The following HEPHL1 variants were observed in gnomAD, a reference collection of about 807,000 sequenced individuals.
The protein encoded by HEPHL1 is hephaestin like 1.
Under a neutral mutation model 122.0 loss-of-function variants are expected in HEPHL1, and 123 were observed. That is an observed-to-expected ratio of 1.01 (90% CI 0.87 to 1.17). HEPHL1 has a LOEUF of 1.17. HEPHL1 is among the 50% of genes most tolerant of loss of function. The probability of loss-of-function intolerance (pLI) is 0.00; values close to 1 mark genes in which losing one functional copy is unlikely to be tolerated. For synonymous variants in HEPHL1, 527 were observed against 508.9 expected, an observed-to-expected ratio of 1.04 and a Z score of -0.48; for missense variants, 1,452 against 1,430.5, an observed-to-expected ratio of 1.01 and a Z score of -0.24.
intron 4 of HEPHL1, among the ~76,000 whole-genome samples, chr11:94,066,778 A>G (rs1946038248): frequency 6.6e-6 from 1 of 152,200 alleles, no homozygotes; most frequent in Non-Finnish European, 1.5e-5. Context: ...AAGAAGGGAT[A>G]TTGTGACTTT....
At chr11:94,085,763 TG>T (rs1292486810) in intron 10 of HEPHL1, among the ~76,000 whole-genome samples, 2 of 152,232 alleles carry the variant, frequency 1.3e-5, no homozygotes, top group Non-Finnish European at 2.9e-5. Context: ...TCCTTGCATA[TG>T]TGTTGTTAAA....
At chr11:94,054,785 G>C (rs1456633675) in intron 2 of HEPHL1, among the ~76,000 whole-genome samples, 1 of 152,232 alleles carries the variant, frequency 6.6e-6, no homozygotes, top group Admixed American at 6.5e-5. Context: ...AAGCCAGTCT[G>C]CATAGGCACT....
At chr11:94,093,714 C>T (rs2134446320) in intron 13 of HEPHL1, 74 bp downstream of exon 13, 1 of 1,500,180 alleles carries the variant, frequency 6.7e-7, no homozygotes, top group Non-Finnish European at 9.0e-7. Flanking sequence ...TGTTCTGTTA[C>T]ACTTGTGGCT....
chr11:94,056,843 T>C (rs12419615), intron 2 of HEPHL1, among the ~76,000 whole-genome samples: 12,056 of 152,180 alleles, frequency 0.079, 613 homozygotes, highest in Admixed American at 0.13. Context: ...ATATTTCCCA[T>C]TTCTGGTGCT....
chr11:94,092,781 G>A (rs1054106639), intron 12 of HEPHL1, among the ~76,000 whole-genome samples: 16 of 151,996 alleles, frequency 1.1e-4, no homozygotes, highest in Non-Finnish European at 1.9e-4. Flanking sequence ...TGTTTAAAAA[G>A]AAACAGACAT....
chr11:94,057,792 C>T (rs1364471053), intron 2 of HEPHL1, among the ~76,000 whole-genome samples: 1 of 152,046 alleles, frequency 6.6e-6, no homozygotes, highest in Non-Finnish European at 1.5e-5. Flanking sequence ...TTTCCACTGG[C>T]TGCCTTTTTT....
intron 12 of HEPHL1, 57 bp downstream of exon 12, chr11:94,089,025 C>CT: frequency 6.8e-7 from 1 of 1,478,800 alleles, no homozygotes; most frequent in Non-Finnish European, 9.4e-7. Context: ...CTCCGTAGGT[C>CT]TTTAGTAAGT....
chr11:94,064,505 T>G lies in HEPHL1; in HGVS notation c.803T>G (p.Met268Arg), dbSNP rs746788835. 1.2e-6 allele frequency: 2 copies of G among 1,610,326 alleles called. No homozygotes were observed. Among genetic ancestry groups the G allele is most frequent in the South Asian group, 1.1e-5 (1 of 90,778 alleles). Residue 268 changes from methionine to arginine, a missense_variant, in exon 4 of 20, where the codon ATG becomes AGG. Physicochemically the swap from Met to Arg is moderately conservative, Grantham distance 91. Transcript: ENST00000315765. ...GCTGTTTTCCAGAGGAGTAACAAAA[T>G]GCATGGTGAGTACCTCCCATGTTCC... ...KDAVFQRSNK[M>R]HALNGYLFGN... is the part of the protein sequence containing the mutation.
intron 2 of HEPHL1, among the ~76,000 whole-genome samples, chr11:94,061,955 A>G (rs1945988064): frequency 6.6e-6 from 1 of 152,104 alleles, no homozygotes; most frequent in African/African-American, 2.4e-5. Context: ...AATTATATTG[A>G]CCTAATATAT....
chr11:94,076,045 T>A (rs1313521013), intron 9 of HEPHL1, among the ~76,000 whole-genome samples: 1 of 152,118 alleles, frequency 6.6e-6, no homozygotes, highest in Non-Finnish European at 1.5e-5. Flanking sequence ...CAATCAGAAA[T>A]AGCAAGGACA....
At chr11:94,103,740 G>T (rs1946388102) in intron 15 of HEPHL1, among the ~76,000 whole-genome samples, 1 of 152,178 alleles carries the variant, frequency 6.6e-6, no homozygotes, top group African/African-American at 2.4e-5. Flanking sequence ...AGAAAAAAAG[G>T]GAGGGATTAT....
intron 10 of HEPHL1, among the ~76,000 whole-genome samples, chr11:94,083,540 G>C (rs1031267453): frequency 5.3e-5 from 8 of 152,170 alleles, no homozygotes; most frequent in Non-Finnish European, 8.8e-5. Context: ...TAAGACAACA[G>C]GTGCTAACCT....
At chr11:94,111,643 T>G (rs1300373776) in intron 19 of HEPHL1, 38 bp downstream of exon 19, 1 of 1,609,820 alleles carries the variant, frequency 6.2e-7, no homozygotes, top group East Asian at 2.2e-5. Flanking sequence ...GAGTCAACAT[T>G]TCACCCCTCA....
At chr11:94,105,300 T>C (rs1946399557) in intron 16 of HEPHL1, among the ~76,000 whole-genome samples, 1 of 152,234 alleles carries the variant, frequency 6.6e-6, no homozygotes, top group South Asian at 2.1e-4. Flanking sequence ...TACTTGTTAA[T>C]ATAGATTAGA....
intron 11 of HEPHL1, among the ~76,000 whole-genome samples, chr11:94,088,148 T>TC (rs1355625189): frequency 6.6e-6 from 1 of 152,244 alleles, no homozygotes; most frequent in African/African-American, 2.4e-5. Flanking sequence ...CAGTATTATG[T>TC]AGAAAAATCT....
In HEPHL1 at chr11:94,088,984, CCG is replaced by C; in HGVS notation, c.2294+18_2294+19del. ...GAGGGGAAAGGTACCACAGGCGCCG[CCG>C]CTAGGGCTCCTCGGTGGGATCGCGC... is the stretch of plus-strand genomic sequence containing the variant. On this transcript the variant is annotated intron_variant, in intron 12 of 19. Coordinates refer to ENST00000315765, the MANE Select transcript of HEPHL1 (RefSeq NM_001098672.2). The C allele has an allele frequency of 3.1e-6, 5 of 1,610,920 alleles. No homozygotes were observed. The highest frequency in any genetic ancestry group is 4.2e-6 in the Non-Finnish European group (5 of 1,177,170).
chr11:94,111,432 G>C, intron 18 of HEPHL1, 105 bp from the exon 19 acceptor site: 1 of 875,006 alleles, frequency 1.1e-6, no homozygotes, highest in Admixed American at 2.0e-5. Flanking sequence ...ATGATTGGCA[G>C]ATACTGATGG....
chr11:94,072,486 C>A (rs1946082336), intron 6 of HEPHL1, among the ~76,000 whole-genome samples: 2 of 152,146 alleles, frequency 1.3e-5, no homozygotes, highest in South Asian at 2.1e-4. Flanking sequence ...AGTATAGAGA[C>A]AGTATTAGTC....
At chr11:94,021,595 G>T in intron 1 of HEPHL1, 57 bp downstream of exon 1, 14 of 1,336,482 alleles carry the variant, frequency 1.0e-5, no homozygotes, top group Non-Finnish European at 1.5e-5. Flanking sequence ...TTGACTTTGT[G>T]TGGGGAAGGT....
Sources: allele counts gnomAD v4.1 joint callset (sites outside exome capture counted in the v4.1 genomes callset), GRCh38; gene constraint gnomAD v4.1.1; transcripts MANE v1.5; gene names NCBI Gene and HGNC (gene_info 2026-07-23, HGNC 2026-07-21).